Variants in DPYD observed in about 807,000 individuals in gnomAD.
DPYD encodes the protein dihydropyrimidine dehydrogenase [NADP(+)].
A neutral mutation model predicts 116.2 loss-of-function variants in DPYD; 109 were observed. The observed-to-expected ratio is 0.94, with a 90% CI of 0.80 to 1.10. The LOEUF is 1.10. Among genes scored for constraint, DPYD ranks in the 50% least tolerant of loss-of-function variants. The pLI, the probability that DPYD is intolerant of heterozygous loss-of-function variation, is 0.00. For missense variants in DPYD, 1,302 were observed against 1,254.5 expected, an observed-to-expected ratio of 1.04 and a Z score of -0.57; for synonymous variants, 440 against 432.0, an observed-to-expected ratio of 1.02 and a Z score of -0.23.
chr1:97,687,950 G>A (rs189554275), intron 7 of DPYD, among the ~76,000 whole-genome samples: 143 of 152,214 alleles, frequency 9.4e-4, no homozygotes, highest in African/African-American at 3.0e-3. Context: ...ACAGGGAGGG[G>A]AACAACACAC....
chr1:97,594,569 G>C (rs996984974), intron 9 of DPYD, among the ~76,000 whole-genome samples: 10 of 152,092 alleles, frequency 6.6e-5, no homozygotes, highest in Non-Finnish European at 1.2e-4. Flanking sequence ...CAATGACTCT[G>C]GTCAGGCCAA....
chr1:97,305,943 T>C (rs1191663866), intron 17 of DPYD, among the ~76,000 whole-genome samples: 1 of 152,008 alleles, frequency 6.6e-6, no homozygotes, highest in East Asian at 1.9e-4. Context: ...AAGTGTTTAT[T>C]AGGAAAAACT....
chr1:97,711,094 T>C (rs1453852677), intron 5 of DPYD, among the ~76,000 whole-genome samples: 1 of 151,852 alleles, frequency 6.6e-6, no homozygotes, highest in Non-Finnish European at 1.5e-5. Context: ...AACTTAATAT[T>C]TATATCTCCA....
intron 3 of DPYD, among the ~76,000 whole-genome samples, chr1:97,775,989 T>C (rs1666384918): frequency 6.6e-6 from 1 of 152,158 alleles, no homozygotes; most frequent in Non-Finnish European, 1.5e-5. Context: ...TGTATATATG[T>C]ATAGGCTACA....
chr1:97,345,343 T>C (rs1156324164), intron 16 of DPYD, among the ~76,000 whole-genome samples: 1 of 151,978 alleles, frequency 6.6e-6, no homozygotes. Context: ...TGCTTCCCAT[T>C]CTATTTGTCA....
intron 5 of DPYD, chr1:97,720,085 A>G (rs1372178818): frequency 5.1e-6 from 5 of 984,900 alleles, no homozygotes. Context: ...GTTCCCAGAG[A>G]AAAGAATTAA....
At chr1:97,267,623 G>A (rs1450147788) in intron 18 of DPYD, among the ~76,000 whole-genome samples, 1 of 151,698 alleles carries the variant, frequency 6.6e-6, no homozygotes, top group Admixed American at 6.6e-5. Context: ...CATTCATGAG[G>A]GTGGAGCTTT....
chr1:97,785,171 T>C (rs1435185178), intron 3 of DPYD, among the ~76,000 whole-genome samples: 1 of 152,156 alleles, frequency 6.6e-6, no homozygotes, highest in Non-Finnish European at 1.5e-5. Context: ...CATAGCAAAA[T>C]ATACTTGCAT....
intron 16 of DPYD, among the ~76,000 whole-genome samples, chr1:97,354,721 A>G (rs775195080): frequency 1.3e-5 from 2 of 152,214 alleles, no homozygotes; most frequent in Admixed American, 6.5e-5. Flanking sequence ...CTCAAGAACA[A>G]TCCTTCTCAG....
At chr1:97,529,773 CTT>C (rs397980943) in intron 12 of DPYD, among the ~76,000 whole-genome samples, 1 of 106,438 alleles carries the variant, frequency 9.4e-6, no homozygotes, top group African/African-American at 4.5e-5. Flanking sequence ...TCTCTTTCTT[CTT>C]TCTTTCTCTT....
intron 14 of DPYD, among the ~76,000 whole-genome samples, chr1:97,405,092 C>T (rs1280327386): frequency 6.6e-6 from 1 of 152,006 alleles, no homozygotes; most frequent in Non-Finnish European, 1.5e-5. Context: ...ATCCTCCCTC[C>T]TGTCCATTGT....
chr1:97,150,277 A>AC (rs1002501428), intron 20 of DPYD, among the ~76,000 whole-genome samples: 22 of 151,900 alleles, frequency 1.4e-4, no homozygotes, highest in African/African-American at 5.3e-4. Context: ...TAAAAAAAAA[A>AC]AACTAAAATA....
intron 8 of DPYD, among the ~76,000 whole-genome samples, chr1:97,675,405 C>G (rs1440907174): frequency 6.6e-6 from 1 of 152,158 alleles, no homozygotes; most frequent in African/African-American, 2.4e-5. Flanking sequence ...GGCTTTATCT[C>G]AGTACTTAGA....
At chr1:97,137,759 T>C (rs1219788689) in intron 20 of DPYD, among the ~76,000 whole-genome samples, 1 of 152,216 alleles carries the variant, frequency 6.6e-6, no homozygotes, top group African/African-American at 2.4e-5. Context: ...TGGCAAAGCA[T>C]GTAGGATGAT....
At chr1:97,386,979 A>C (rs1570643629) in intron 14 of DPYD, among the ~76,000 whole-genome samples, 1 of 152,170 alleles carries the variant, frequency 6.6e-6, no homozygotes, top group African/African-American at 2.4e-5. Context: ...AAGAAAAAAA[A>C]CCAGAATGAT....
At chr1:97,382,170 G>T (rs1330874910) in intron 15 of DPYD, among the ~76,000 whole-genome samples, 2 of 152,246 alleles carry the variant, frequency 1.3e-5, no homozygotes, top group East Asian at 3.9e-4. Flanking sequence ...GGTAGTGTGT[G>T]AAATCCAAGG....
intron 16 of DPYD, among the ~76,000 whole-genome samples, chr1:97,368,207 T>C (rs775275849): frequency 6.6e-6 from 1 of 152,116 alleles, no homozygotes; most frequent in Non-Finnish European, 1.5e-5. Flanking sequence ...TTGGGAATAC[T>C]AGACAGAACA....
At chr1:97,089,822 TGTTTG>T (rs1557856529) in intron 21 of DPYD, among the ~76,000 whole-genome samples, 3 of 29,268 alleles carry the variant, frequency 1.0e-4, no homozygotes, top group African/African-American at 1.6e-4. Flanking sequence ...GAGGCCATTT[TGTTTG>T]TTTTTTTTTT....
intron 20 of DPYD, among the ~76,000 whole-genome samples, chr1:97,102,003 G>T (rs1650725534): frequency 6.6e-6 from 1 of 151,918 alleles, no homozygotes; most frequent in Non-Finnish European, 1.5e-5. Flanking sequence ...GCATTACATT[G>T]CCGATAGAAA....
Sources: allele counts gnomAD v4.1 joint callset (sites outside exome capture counted in the v4.1 genomes callset), GRCh38; gene constraint gnomAD v4.1.1; transcripts MANE v1.5; gene names NCBI Gene and HGNC (gene_info 2026-07-23, HGNC 2026-07-21).